Variants in GPHN observed in about 807,000 individuals in gnomAD.
GPHN encodes the protein gephyrin.
GPHN carries 17 observed loss-of-function variants against 95.5 expected under a neutral mutation model. The ratio of observed to expected loss-of-function variants is 0.18; its 90% CI spans 0.12 to 0.27. The LOEUF (loss-of-function observed/expected upper bound fraction) is 0.27. Among genes scored for constraint, GPHN ranks in the 10% least tolerant of loss-of-function variants. The pLI, the probability that GPHN is intolerant of heterozygous loss-of-function variation, is 1.00. For missense variants in GPHN, 660 were observed against 978.1 expected (o/e 0.67, Z 4.34); for synonymous variants, 320 against 322.5 (o/e 0.99, Z 0.08).
intron 2 of GPHN, among the ~76,000 whole-genome samples, chr14:66,683,955 A>G (rs6573705): frequency 0.32 from 48,681 of 150,128 alleles, 11,627 homozygotes; most frequent in African/African-American, 0.65. Context: ...CAGCGTGGGC[A>G]ACAGAGCAAG....
chr14:66,843,132 T>C (rs1390505023), intron 4 of GPHN, among the ~76,000 whole-genome samples: 1 of 152,114 alleles, frequency 6.6e-6, no homozygotes, highest in Non-Finnish European at 1.5e-5. Context: ...TGATTGCCTT[T>C]GGTTTTTGTC....
At chr14:66,703,935 A>T (rs1191038308) in intron 2 of GPHN, among the ~76,000 whole-genome samples, 1 of 151,766 alleles carries the variant, frequency 6.6e-6, no homozygotes, top group East Asian at 1.9e-4. Context: ...AAAAGGATGG[A>T]GGAAAATACA....
rs753292268 is a variant in GPHN, at chr14:66,567,358, T to TA, written c.64+58768dup. Among the ~76,000 whole-genome samples, 42 of 152,306 alleles carry TA rather than the reference T, an allele frequency of 2.8e-4. No homozygotes were observed. The East Asian group carries it at 4.6e-3, about 17-fold the overall frequency. ...CCTACAAGTAGATAAGGCTATTTAA[T>TA]ACTGAATTACTTTCATCTGAAGTCT... On this transcript the variant is annotated intron_variant, in intron 1 of 22. Transcript: ENST00000478722.
At chr14:66,856,917 T>C (rs541394761) in intron 4 of GPHN, among the ~76,000 whole-genome samples, 1 of 152,126 alleles carries the variant, frequency 6.6e-6, no homozygotes, top group Non-Finnish European at 1.5e-5. Context: ...ATTTTTTTCC[T>C]TCTAAGGATA....
intron 8 of GPHN, among the ~76,000 whole-genome samples, chr14:66,942,730 A>G (rs1743802045): frequency 2.0e-5 from 3 of 152,184 alleles, no homozygotes; most frequent in Non-Finnish European, 2.9e-5. Context: ...TGGCAATCCC[A>G]TGTAACTAAA....
At chr14:66,766,066 G>A (rs564520857) in intron 2 of GPHN, among the ~76,000 whole-genome samples, 1 of 152,236 alleles carries the variant, frequency 6.6e-6, no homozygotes, top group Admixed American at 6.5e-5. Context: ...CAGAATAGAA[G>A]CACTGGAAAT....
intron 10 of GPHN, among the ~76,000 whole-genome samples, chr14:67,039,690 G>A (rs1020345426): frequency 6.6e-6 from 1 of 152,188 alleles, no homozygotes; most frequent in Non-Finnish European, 1.5e-5. Context: ...CTACTCAGGA[G>A]GCTGAGGTGG....
intron 21 of GPHN, among the ~76,000 whole-genome samples, chr14:67,171,896 C>T (rs759007628): frequency 6.6e-6 from 1 of 152,060 alleles, no homozygotes; most frequent in Non-Finnish European, 1.5e-5. Flanking sequence ...ATCCCAGCAA[C>T]CCCCATCAAC....
the GPHN span, chr14:67,387,331 A>C: frequency 6.2e-7 from 1 of 1,609,468 alleles, no homozygotes; most frequent in Non-Finnish European, 8.5e-7. Context: ...GGTCCTTGTC[A>C]TGTTAGCTTT....
the GPHN span, among the ~76,000 whole-genome samples, chr14:67,439,580 T>TCTTTCTTC: frequency 7.1e-6 from 1 of 141,228 alleles, no homozygotes. Flanking sequence ...TTTCTTTCTT[T>TCTTTCTTC]CTTTCTTTCT....
At chr14:67,592,813 T>C in the GPHN span, 1 of 806,506 alleles carries the variant, frequency 1.2e-6, no homozygotes, top group Non-Finnish European at 2.0e-6. Context: ...TGAGACAGAG[T>C]CTCTCTCTGT....
intron 2 of GPHN, among the ~76,000 whole-genome samples, chr14:66,723,949 AG>A (rs1469232092): frequency 6.6e-6 from 1 of 151,582 alleles, no homozygotes; most frequent in African/African-American, 2.4e-5. Context: ...TTCTATCTGG[AG>A]ATAGAAAAAT....
intron 1 of GPHN, among the ~76,000 whole-genome samples, chr14:66,603,877 A>C (rs2062384027): frequency 6.6e-6 from 1 of 152,028 alleles, no homozygotes; most frequent in Admixed American, 6.6e-5. Context: ...CACATTTAAT[A>C]GTTTGATTAT....
chr14:66,837,158 G>A (rs561254957), intron 4 of GPHN, among the ~76,000 whole-genome samples: 4 of 148,056 alleles, frequency 2.7e-5, no homozygotes, highest in East Asian at 2.0e-4. Context: ...TGTTTATTAC[G>A]GCATTATTCA....
At chr14:67,036,693 A>G (rs1027592836) in intron 10 of GPHN, among the ~76,000 whole-genome samples, 3 of 152,074 alleles carry the variant, frequency 2.0e-5, no homozygotes, top group Middle Eastern at 6.8e-3. Context: ...TTACAATAGC[A>G]TCAGAAAGAA....
intron 10 of GPHN, among the ~76,000 whole-genome samples, chr14:67,045,372 TTCTCTA>T (rs895729308): frequency 2.3e-4 from 35 of 151,960 alleles, no homozygotes; most frequent in Non-Finnish European, 1.3e-4. Flanking sequence ...CTGTCTCTTT[TTCTCTA>T]TCTCTGTCTC....
the GPHN span, among the ~76,000 whole-genome samples, chr14:67,666,265 T>G: frequency 6.6e-6 from 1 of 152,174 alleles, no homozygotes; most frequent in Non-Finnish European, 1.5e-5. Context: ...GGTATGAAAA[T>G]CCGCATTCTC....
intron 13 of GPHN, among the ~76,000 whole-genome samples, chr14:67,107,100 T>A (rs2078084152): frequency 6.6e-6 from 1 of 152,206 alleles, no homozygotes; most frequent in Non-Finnish European, 1.5e-5. Context: ...TGTGAGTACC[T>A]CAGTGGCCTA....
At chr14:67,306,306 G>C in the GPHN span, among the ~76,000 whole-genome samples, 5 of 151,854 alleles carry the variant, frequency 3.3e-5, no homozygotes, top group South Asian at 6.3e-4. Flanking sequence ...TTTCAGAATA[G>C]AGTGATGTGC....
Sources: allele counts gnomAD v4.1 joint callset (sites outside exome capture counted in the v4.1 genomes callset), GRCh38; gene constraint gnomAD v4.1.1; transcripts MANE v1.5; gene names NCBI Gene and HGNC (gene_info 2026-07-23, HGNC 2026-07-21).